MARCHF1: variants seen among roughly 807,000 people sequenced by gnomAD.
MARCHF1 encodes E3 ubiquitin-protein ligase MARCHF1.
Under a neutral mutation model 54.2 loss-of-function variants are expected in MARCHF1, and 40 were observed. The observed-to-expected ratio is 0.74, with a 90% CI of 0.57 to 0.96. The LOEUF is 0.96. MARCHF1 is among the 40% of genes least tolerant of loss of function. The pLI is 0.00. For synonymous variants in MARCHF1, 236 were observed against 236.3 expected, an observed-to-expected ratio of 1.00 and a Z score of 0.01; for missense variants, 586 against 656.5, an observed-to-expected ratio of 0.89 and a Z score of 1.17.
At chr4:164,126,133 GC>G (rs1579555529) in intron 1 of MARCHF1, among the ~76,000 whole-genome samples, 1 of 152,200 alleles carries the variant, frequency 6.6e-6, no homozygotes, top group Non-Finnish European at 1.5e-5. Flanking sequence ...AGGTCTGGAT[GC>G]TTTTGTCCTT....
chr4:163,734,819 T>C (rs1434157412), intron 4 of MARCHF1, among the ~76,000 whole-genome samples: 1 of 152,160 alleles, frequency 6.6e-6, no homozygotes, highest in African/African-American at 2.4e-5. Flanking sequence ...ACTTTAAACA[T>C]TCGCAATTTG....
chr4:163,654,396 T>G (rs1001020078), intron 5 of MARCHF1, among the ~76,000 whole-genome samples: 1 of 151,690 alleles, frequency 6.6e-6, no homozygotes, highest in African/African-American at 2.4e-5. Flanking sequence ...GTTGAGAGAT[T>G]GTAAAACCTA....
chr4:163,567,487 C>T (rs1182283713), intron 8 of MARCHF1, among the ~76,000 whole-genome samples: 1 of 152,184 alleles, frequency 6.6e-6, no homozygotes, highest in African/African-American at 2.4e-5. Context: ...CAAATCTCAT[C>T]TTGAATTGTA....
chr4:163,618,435 G>A (rs1001941645), intron 5 of MARCHF1, among the ~76,000 whole-genome samples: 1 of 152,176 alleles, frequency 6.6e-6, no homozygotes, highest in African/African-American at 2.4e-5. Flanking sequence ...GTTCTGGGAA[G>A]TTCTGAGGTA....
At chr4:164,374,197 A>C (rs1731118733) in intron 1 of MARCHF1, among the ~76,000 whole-genome samples, 1 of 152,164 alleles carries the variant, frequency 6.6e-6, no homozygotes, top group Non-Finnish European at 1.5e-5. Flanking sequence ...ACACTCAGAA[A>C]AGTATTTTTA....
intron 1 of MARCHF1, among the ~76,000 whole-genome samples, chr4:164,232,593 A>G (rs747137033): frequency 2.6e-5 from 4 of 152,160 alleles, no homozygotes; most frequent in Non-Finnish European, 4.4e-5. Flanking sequence ...ACTGATTTAT[A>G]GCTTCTTTGG....
At chr4:163,786,942 G>A (rs1463833966) in intron 4 of MARCHF1, among the ~76,000 whole-genome samples, 1 of 151,742 alleles carries the variant, frequency 6.6e-6, no homozygotes, top group Non-Finnish European at 1.5e-5. Flanking sequence ...TTGAGAATAC[G>A]GTCAAATGAT....
chr4:164,017,237 G>T (rs1199364398), intron 2 of MARCHF1, among the ~76,000 whole-genome samples: 1 of 151,962 alleles, frequency 6.6e-6, no homozygotes, highest in Non-Finnish European at 1.5e-5. Context: ...CAAACAAACT[G>T]AGGGCTTTCC....
At chr4:164,164,573 T>C (rs1182151248) in intron 1 of MARCHF1, among the ~76,000 whole-genome samples, 1 of 152,070 alleles carries the variant, frequency 6.6e-6, no homozygotes, top group African/African-American at 2.4e-5. Flanking sequence ...AAAGAAATGC[T>C]GAATGTTCAC....
chr4:163,864,495 T>C (rs1185791892), intron 3 of MARCHF1, among the ~76,000 whole-genome samples: 1 of 151,972 alleles, frequency 6.6e-6, no homozygotes, highest in Non-Finnish European at 1.5e-5. Flanking sequence ...CATGAGATGC[T>C]GCTAAAAAAT....
chr4:164,062,437 G>A (rs1754638933), intron 2 of MARCHF1, among the ~76,000 whole-genome samples: 1 of 151,814 alleles, frequency 6.6e-6, no homozygotes. Flanking sequence ...CTTTCCAGAA[G>A]GTTTTCAATT....
chr4:164,147,241 C>T (rs1037669253), intron 1 of MARCHF1, among the ~76,000 whole-genome samples: 23 of 148,502 alleles, frequency 1.5e-4, no homozygotes, highest in Admixed American at 3.3e-4. Flanking sequence ...TAAACTAGTT[C>T]AACCATTGTG....
At chr4:163,713,002 A>G (rs1745151760) in intron 4 of MARCHF1, among the ~76,000 whole-genome samples, 1 of 152,128 alleles carries the variant, frequency 6.6e-6, no homozygotes, top group Non-Finnish European at 1.5e-5. Context: ...TTTCTATATT[A>G]TGAATCCTAT....
At chr4:163,770,490 C>T (rs80096561) in intron 4 of MARCHF1, among the ~76,000 whole-genome samples, 2,201 of 151,204 alleles carry the variant, frequency 0.015, 46 homozygotes, top group African/African-American at 0.05. Flanking sequence ...AACATAGAAG[C>T]ATAGTTGTTA....
intron 2 of MARCHF1, among the ~76,000 whole-genome samples, chr4:164,105,505 G>T (rs534594965): frequency 3.3e-4 from 44 of 131,468 alleles, no homozygotes; most frequent in Admixed American, 1.9e-3. Flanking sequence ...AGAAAAACAA[G>T]CAATGGGGAA....
At chr4:163,614,381 A>T (rs990121621) in intron 5 of MARCHF1, among the ~76,000 whole-genome samples, 1 of 152,130 alleles carries the variant, frequency 6.6e-6, no homozygotes, top group Non-Finnish European at 1.5e-5. Flanking sequence ...GCTGCTTCTC[A>T]CTGATAGGTG....
intron 2 of MARCHF1, among the ~76,000 whole-genome samples, chr4:164,075,487 T>C (rs1468200894): frequency 1.3e-5 from 2 of 152,114 alleles, no homozygotes; most frequent in East Asian, 1.9e-4. Context: ...ATGACAGCCA[T>C]AAGGAGCAGA....
At chr4:164,141,911 G>C (rs36067978) in intron 1 of MARCHF1, among the ~76,000 whole-genome samples, 18 of 145,774 alleles carry the variant, frequency 1.2e-4, no homozygotes, top group Non-Finnish European at 2.4e-4. Context: ...CTGAGGTACC[G>C]GGTTCATCTC....
At position 163,572,693 on chromosome 4, in the gene MARCHF1, T is replaced by C. The variant is rs577097489; in HGVS notation, c.1191+13056A>G. Among the ~76,000 whole-genome samples, 11 of 152,164 alleles carry C rather than the reference T, an allele frequency of 7.2e-5. 1 individual carries two copies. The South Asian group carries it at 1.7e-3, about 23-fold the overall frequency. ...TTATAGTAGAAGCACTGTTGTGTTA[T>C]AGGTAAACCTGTTTTTACTTTGTTT... is the stretch of plus-strand genomic sequence containing the variant. On this transcript the variant is annotated intron_variant, in intron 8 of 9. Coordinates refer to ENST00000514618, the MANE Select transcript of MARCHF1 (RefSeq NM_001394959.1).
Sources: gnomAD v4.1 joint callset for allele counts (sites outside exome capture counted in the v4.1 genomes callset) on GRCh38, gnomAD v4.1.1 for gene constraint, MANE v1.5 for transcripts, NCBI Gene and HGNC (gene_info 2026-07-23, HGNC 2026-07-21) for gene names.